Variants in WDR64 observed in about 807,000 individuals in gnomAD.
The protein encoded by WDR64 is WD repeat-containing protein 64.
Under a neutral mutation model 139.3 loss-of-function variants are expected in WDR64, and 112 were observed. That is an observed-to-expected ratio of 0.80 (90% confidence interval 0.69 to 0.94). The LOEUF (loss-of-function observed/expected upper bound fraction) is 0.94. Ranked by LOEUF, WDR64 falls within the 40% of genes least tolerant of loss-of-function variation. WDR64 has a pLI of 0.00. For synonymous variants in WDR64, 444 were observed against 437.7 expected (o/e 1.01, Z -0.18); for missense variants, 1,206 against 1,293.1 (o/e 0.93, Z 1.03).
At chr1:241,664,826 A>G (rs1181689299) in intron 2 of WDR64, among the ~76,000 whole-genome samples, 2 of 152,238 alleles carry the variant, frequency 1.3e-5, no homozygotes, top group Non-Finnish European at 2.9e-5. Flanking sequence ...TAATTGACTT[A>G]TCTAAAGCTG....
chr1:241,788,630 G>A (rs533395993), intron 24 of WDR64, among the ~76,000 whole-genome samples: 1 of 152,288 alleles, frequency 6.6e-6, no homozygotes, highest in Admixed American at 6.5e-5. Flanking sequence ...TGCACTCAAG[G>A]CTGGAAAGAC....
chr1:241,660,839 G>A (rs1665805733), intron 2 of WDR64, 179 bp downstream of exon 2: 1 of 631,984 alleles, frequency 1.6e-6, no homozygotes, highest in Non-Finnish European at 2.7e-6. Context: ...GGGTAAAGTA[G>A]GTAACTATTT....
chr1:241,669,766 T>C (rs753229332), intron 2 of WDR64, among the ~76,000 whole-genome samples: 14 of 152,212 alleles, frequency 9.2e-5, no homozygotes, highest in Non-Finnish European at 1.6e-4. Flanking sequence ...TCATCTAGCA[T>C]CTAAATCAAT....
chr1:241,664,193 C>T (rs1665943250), intron 2 of WDR64, among the ~76,000 whole-genome samples: 2 of 152,132 alleles, frequency 1.3e-5, no homozygotes, highest in Admixed American at 6.5e-5. Flanking sequence ...CCCCATAGAT[C>T]GGTAACTTGA....
chr1:241,751,404 A>G (rs1004443094), intron 14 of WDR64, among the ~76,000 whole-genome samples: 9 of 152,196 alleles, frequency 5.9e-5, no homozygotes, highest in African/African-American at 2.2e-4. Flanking sequence ...AATGGAGGAA[A>G]GATAAACCCA....
rs1665395639 is a variant in WDR64, at chr1:241,652,440, T to C, written c.-45T>C. The C allele has an allele frequency of 5.9e-6, 9 of 1,520,992 alleles. No individual in the cohort carries two copies. The highest frequency in any genetic ancestry group is 7.9e-6 in the Non-Finnish European group (9 of 1,133,358). 94.2% of individuals were successfully genotyped at this position (1,520,992 alleles called of 1,614,324 possible). A position where few individuals can be genotyped will look rare whatever the true frequency, so the allele number is the denominator to read the frequency against. The stretch of plus-strand genomic sequence containing the variant: ...GGAAAGTTTTCCAAATTGGTAAACT[T>C]GCAGTATTCTTTCTGTACAGAAGTA... On this transcript the variant is annotated 5_prime_UTR_variant, in exon 1 of 28. Coordinates refer to ENST00000437684, the MANE Select transcript of WDR64 (RefSeq NM_001367482.1).
intron 21 of WDR64, among the ~76,000 whole-genome samples, chr1:241,778,130 A>C (rs1278643095): frequency 6.6e-6 from 1 of 152,164 alleles, no homozygotes; most frequent in African/African-American, 2.4e-5. Flanking sequence ...TAACTATAAT[A>C]ATGGATTCAT....
chr1:241,757,649 G>GTT (rs35256499), intron 15 of WDR64, among the ~76,000 whole-genome samples, 190 bp downstream of exon 15: 319 of 95,204 alleles, frequency 3.4e-3, no homozygotes, highest in Middle Eastern at 7.8e-3. Context: ...CAATGGATTT[G>GTT]TTTTTTTTTT....
At chr1:241,741,884 A>G (rs986453654) in intron 12 of WDR64, among the ~76,000 whole-genome samples, 1 of 152,220 alleles carries the variant, frequency 6.6e-6, no homozygotes, top group African/African-American at 2.4e-5. Flanking sequence ...AATTGAATAA[A>G]CACAGCTAGT....
chr1:241,729,233 A>G (rs1668979565), intron 10 of WDR64, among the ~76,000 whole-genome samples: 1 of 152,130 alleles, frequency 6.6e-6, no homozygotes, highest in African/African-American at 2.4e-5. Flanking sequence ...TCCCAGAGTC[A>G]TGGCCTTAGT....
chr1:241,765,618 C>T (rs1052654701), intron 15 of WDR64, among the ~76,000 whole-genome samples: 20 of 152,140 alleles, frequency 1.3e-4, no homozygotes, highest in Admixed American at 1.0e-3. Context: ...TGTCACTCTT[C>T]TATGATCCTG....
intron 6 of WDR64, among the ~76,000 whole-genome samples, chr1:241,681,618 T>TTTTCC (rs58780508): frequency 0.022 from 3,382 of 152,278 alleles, 116 homozygotes; most frequent in African/African-American, 0.076. Flanking sequence ...TAAGGAGTTC[T>TTTTCC]TTTCCTCTGG....
At chr1:241,747,463 T>C (rs1054140629) in intron 13 of WDR64, among the ~76,000 whole-genome samples, 1 of 152,234 alleles carries the variant, frequency 6.6e-6, no homozygotes, top group African/African-American at 2.4e-5. Flanking sequence ...CTGTTTCTTT[T>C]TATTTTTCAA....
chr1:241,799,613 G>C (rs1165767546), intron 27 of WDR64, among the ~76,000 whole-genome samples: 2 of 152,082 alleles, frequency 1.3e-5, no homozygotes, highest in Non-Finnish European at 2.9e-5. Flanking sequence ...TAAGAAAACT[G>C]AAACACAGAG....
intron 24 of WDR64, 33 bp downstream of exon 24, chr1:241,788,067 A>G: frequency 6.6e-7 from 1 of 1,526,260 alleles, no homozygotes; most frequent in Non-Finnish European, 8.8e-7. Context: ...AGATAAGCAT[A>G]CAAGAATCAA....
intron 8 of WDR64, 27 bp from the exon 9 acceptor site, chr1:241,711,775 G>A: frequency 6.2e-7 from 1 of 1,607,452 alleles, no homozygotes; most frequent in Non-Finnish European, 8.5e-7. Context: ...AAATATATAT[G>A]TTTTCCATCT....
At chr1:241,710,774 T>C (rs887307638) in intron 8 of WDR64, among the ~76,000 whole-genome samples, 2 of 152,120 alleles carry the variant, frequency 1.3e-5, no homozygotes, top group African/African-American at 2.4e-5. Flanking sequence ...GGAAGGGCGA[T>C]AGGGATCACT....
chr1:241,778,832 T>C (rs1281561744), intron 21 of WDR64, among the ~76,000 whole-genome samples: 5 of 152,188 alleles, frequency 3.3e-5, no homozygotes, highest in Admixed American at 2.6e-4. Flanking sequence ...TTACTATCAT[T>C]CATTTCAAGT....
intron 15 of WDR64, among the ~76,000 whole-genome samples, chr1:241,758,368 T>G (rs934150628): frequency 2.0e-5 from 3 of 151,910 alleles, no homozygotes; most frequent in African/African-American, 7.3e-5. Context: ...AGGCCTATTA[T>G]TTTCATTCAA....
Sources: allele counts gnomAD v4.1 joint callset (sites outside exome capture counted in the v4.1 genomes callset), GRCh38; gene constraint gnomAD v4.1.1; transcripts MANE v1.5; gene names NCBI Gene and HGNC (gene_info 2026-07-23, HGNC 2026-07-21).